The following MVP variants were observed in gnomAD, a reference collection of about 807,000 sequenced individuals.
MVP encodes the protein major vault protein.
Under a neutral mutation model 83.5 loss-of-function variants are expected in MVP, and 62 were observed. The ratio of observed to expected loss-of-function variants is 0.74; its 90% CI spans 0.61 to 0.92. The LOEUF (loss-of-function observed/expected upper bound fraction) is 0.92. Among genes scored for constraint, MVP ranks in the 40% least tolerant of loss-of-function variants. MVP has a pLI of 0.00. For synonymous variants in MVP, 505 were observed against 504.1 expected (o/e 1.00, Z -0.02); for missense variants, 1,000 against 1,203.4 (o/e 0.83, Z 2.50).
intron 1 of MVP, among the ~76,000 whole-genome samples, chr16:29,823,286 T>C (rs2067378782): frequency 6.6e-6 from 1 of 151,502 alleles, no homozygotes; most frequent in Non-Finnish European, 1.5e-5. Context: ...CCACCACACC[T>C]AGCTAATATT....
Position 29,834,081 on chromosome 16 carries a change from G to A in MVP, c.577+15G>A, listed in dbSNP as rs764638838. 3 of 1,611,508 alleles carry A rather than the reference G, an allele frequency of 1.9e-6. No individual in the cohort carries two copies. Among genetic ancestry groups the A allele is most frequent in the Non-Finnish European group, 2.5e-6 (3 of 1,178,990 alleles). ...GAGGGTGACAGGTGGGGTCACCAAG[G>A]GGCGATGATGGTGGGTGGGCAGGAG... On this transcript the variant is annotated intron_variant, in intron 5 of 14. Coordinates refer to ENST00000357402, the MANE Select transcript of MVP (RefSeq NM_005115.5).
intron 1 of MVP, among the ~76,000 whole-genome samples, chr16:29,825,407 G>A (rs916164583): frequency 1.3e-5 from 2 of 152,194 alleles, no homozygotes; most frequent in African/African-American, 4.8e-5. Flanking sequence ...CTCTAACTGC[G>A]CATGTCATCT....
intron 7 of MVP, among the ~76,000 whole-genome samples, chr16:29,838,123 A>G (rs901867619): frequency 6.6e-6 from 1 of 152,138 alleles, no homozygotes; most frequent in Non-Finnish European, 1.5e-5. Context: ...GTTTATCTGC[A>G]AAAACAGGAG....
At chr16:29,827,024 G>C (rs558207069) in intron 1 of MVP, among the ~76,000 whole-genome samples, 12 of 152,074 alleles carry the variant, frequency 7.9e-5, no homozygotes, top group Admixed American at 1.3e-4. Context: ...TGGAGCAACT[G>C]GGGGGTGGAA....
At chr16:29,845,008 A>C in intron 11 of MVP, 129 bp downstream of exon 11, 11 of 1,247,592 alleles carry the variant, frequency 8.8e-6, no homozygotes, top group Non-Finnish European at 1.2e-5. Flanking sequence ...TCCCTACCCA[A>C]CAGATCAGGT....
At chr16:29,839,243 A>T (rs2150757191) in intron 7 of MVP, among the ~76,000 whole-genome samples, 1 of 152,192 alleles carries the variant, frequency 6.6e-6, no homozygotes, top group East Asian at 1.9e-4. Flanking sequence ...GCATGATTCC[A>T]TTTATGTGAA....
At chr16:29,828,443 G>GATCTCTGCTCACTGCA (rs1428463999) in intron 1 of MVP, among the ~76,000 whole-genome samples, 10 of 152,148 alleles carry the variant, frequency 6.6e-5, no homozygotes, top group Admixed American at 6.5e-4. Flanking sequence ...GCAATGGCAC[G>GATCTCTGCTCACTGCA]ATCTCTGCTC....
In MVP at chr16:29,841,525, T is replaced by G; in HGVS notation, c.1192-71T>G. ...GCGCCTTCCCTGGATGGGCTCTGCTTTGGGACAGCTGGGCGGATCTTCCTC... is the reference window on the plus strand; with the variant it reads ...GCGCCTTCCCTGGATGGGCTCTGCTGTGGGACAGCTGGGCGGATCTTCCTC... On this transcript the variant is annotated intron_variant, in intron 8 of 14. Coordinates refer to ENST00000357402, the MANE Select transcript of MVP (RefSeq NM_005115.5). This position sits in a 1 kb window ranked among gnomAD's most constrained non-coding sequence, Gnocchi z 4.7. The G allele has an allele frequency of 6.6e-7, 1 of 1,509,538 alleles. No individual in the cohort carries two copies. Among genetic ancestry groups the G allele is most frequent in the Non-Finnish European group, 8.8e-7 (1 of 1,130,054 alleles). The allele number at this position is 1,509,538 out of a possible 1,614,324, so 93.5% of individuals were successfully genotyped here.
intron 3 of MVP, 23 bp downstream of exon 3, chr16:29,831,096 A>G (rs765571294): frequency 1.2e-5 from 20 of 1,600,316 alleles, no homozygotes; most frequent in African/African-American, 2.7e-5. Flanking sequence ...CTCACTCCCT[A>G]TGCCCCACCC....
intron 13 of MVP, among the ~76,000 whole-genome samples, chr16:29,846,973 G>A (rs1337216466): frequency 1.3e-5 from 2 of 151,990 alleles, no homozygotes; most frequent in African/African-American, 2.4e-5. Flanking sequence ...AGGTCAGTTC[G>A]AGACCAGTTC....
At position 29,841,196 on chromosome 16, in the gene MVP, G is replaced by A. The variant is rs891116066; in HGVS notation, c.1192-400G>A. Among the ~76,000 whole-genome samples the A allele has an allele frequency of 3.3e-5, 5 of 152,058 alleles. No homozygotes were observed. The highest frequency in any genetic ancestry group is 7.2e-5 in the African/African-American group (3 of 41,386). On this transcript the variant is annotated intron_variant, in intron 8 of 14. Coordinates refer to ENST00000357402, the MANE Select transcript of MVP (RefSeq NM_005115.5). The surrounding 1 kb of genome is among the most constrained non-coding windows in gnomAD (Gnocchi z 4.7). ...AAGCTGGAAGTCCAGCTTGGAATCCGAGGGAGCATCCGTGTACACAGCCTA... is the reference window on the plus strand; with the variant it reads ...AAGCTGGAAGTCCAGCTTGGAATCCAAGGGAGCATCCGTGTACACAGCCTA...
chr16:29,847,263 G>C lies in MVP; in HGVS notation c.2332G>C (p.Glu778Gln), dbSNP rs764606896. The C allele has an allele frequency of 1.4e-5, 23 of 1,613,786 alleles. No individual in the cohort carries two copies. Among genetic ancestry groups the C allele is most frequent in the Non-Finnish European group, 1.9e-5 (22 of 1,179,992 alleles). Residue 778 changes from glutamate to glutamine, a missense_variant, in exon 14 of 15, where the codon GAG (glutamate) becomes CAG (glutamine). Physicochemically the swap from Glu to Gln is conservative, Grantham distance 29. Coordinates refer to ENST00000357402, the MANE Select transcript of MVP (RefSeq NM_005115.5). Reference sequence around the variant, plus strand: ...ACTGGTCTATGCCCGGGCCCAGCTGGAGCTGGAGGTGAGCAAGGCTCAGCA... The same window carrying C: ...ACTGGTCTATGCCCGGGCCCAGCTGCAGCTGGAGGTGAGCAAGGCTCAGCA... ...LELVYARAQL[E>Q]LEVSKAQQLA...
chr16:29,830,858 C>T lies in MVP; in HGVS notation c.126-20C>T. The stretch of plus-strand genomic sequence containing the variant: ...GAGACCTGGTCCCAGGTCCTCACAC[C>T]TCTTCTCATCTTCCTGCAGGGTACT... On this transcript the variant is annotated intron_variant, in intron 2 of 14. Coordinates refer to ENST00000357402, the MANE Select transcript of MVP (RefSeq NM_005115.5). 1.9e-6 allele frequency: 3 copies of T among 1,603,840 alleles called. No homozygotes were observed. The highest frequency in any genetic ancestry group is 2.6e-6 in the Non-Finnish European group (3 of 1,172,392).
chr16:29,836,751 C>T lies in MVP; in HGVS notation c.702C>T (p.Asn234=). ...CCCTGCACCTCCGGGCTCGGCGGAA[C>T]TTCCGGGACTTCAGGGGAGTGTCCC... ...KTALHLRARR[N]FRDFRGVSRR... The change falls in exon 7 of 15, where the codon AAC becomes AAT. Residue 234 remains asparagine (N), a synonymous_variant. Transcript: ENST00000357402. The T allele has an allele frequency of 2.5e-6, 4 of 1,603,040 alleles. No individual in the cohort carries two copies. The highest frequency in any genetic ancestry group is 3.4e-6 in the Non-Finnish European group (4 of 1,172,190).
In MVP at chr16:29,846,280, A is replaced by G; in HGVS notation, c.2261A>G (p.Glu754Gly). The change falls in exon 13 of 15, where the codon GAA (glutamate) becomes GGA (glycine). Residue 754 changes from glutamate (E) to glycine (G), a missense_variant. Coordinates refer to ENST00000357402, the MANE Select transcript of MVP (RefSeq NM_005115.5). The part of the protein sequence containing the change: ...AKLKAQALAI[E>G]TEAELQRVQK... ...CTAAAAGCACAGGCCTTGGCCATTGAAACGGTGAGTGGGGGGAGGCATTAA... is the reference window on the plus strand; with the variant it reads ...CTAAAAGCACAGGCCTTGGCCATTGGAACGGTGAGTGGGGGGAGGCATTAA... 6.4e-7 allele frequency: 1 copy of G among 1,561,604 alleles called. No homozygotes were observed. The highest frequency in any genetic ancestry group is 1.2e-5 in the South Asian group (1 of 85,134).
At chr16:29,830,221 G>A (rs563507581) in intron 1 of MVP, 23 of 246,184 alleles carry the variant, frequency 9.3e-5, no homozygotes, top group Admixed American at 9.2e-4. Context: ...GCCGGTGGCA[G>A]TGTAGGGGGA....
At chr16:29,821,449 G>A (rs1185657291) in intron 1 of MVP, 2 of 152,288 alleles carry the variant, frequency 1.3e-5, no homozygotes, top group African/African-American at 2.4e-5. Context: ...CCAAGGTAAC[G>A]GGGTGCTCAG....
intron 1 of MVP, among the ~76,000 whole-genome samples, chr16:29,825,480 G>A (rs2067398729): frequency 6.6e-6 from 1 of 152,180 alleles, no homozygotes; most frequent in Non-Finnish European, 1.5e-5. Context: ...GAGTCAAAGG[G>A]TTTCCCTGGC....
chr16:29,837,827 G>A (rs2067500970), intron 7 of MVP, among the ~76,000 whole-genome samples: 1 of 152,092 alleles, frequency 6.6e-6, no homozygotes, highest in African/African-American at 2.4e-5. Context: ...ATCATGCAGT[G>A]ACTATATTTC....
Sources: allele counts gnomAD v4.1 joint callset (sites outside exome capture counted in the v4.1 genomes callset), GRCh38; gene constraint gnomAD v4.1.1; non-coding constraint Gnocchi (gnomAD v3.1); transcripts MANE v1.5; gene names NCBI Gene and HGNC (gene_info 2026-07-23, HGNC 2026-07-21).